GRM5: variants seen among roughly 807,000 people sequenced by gnomAD.
The protein encoded by GRM5 is glutamate metabotropic receptor 5, also known as metabotropic glutamate receptor 5.
Under a neutral mutation model 83.1 loss-of-function variants are expected in GRM5, and 19 were observed. That is an observed-to-expected ratio of 0.23 (90% CI 0.16 to 0.34). The LOEUF (loss-of-function observed/expected upper bound fraction) is 0.34. Among genes scored for constraint, GRM5 ranks in the 10% least tolerant of loss-of-function variants. GRM5 has a pLI of 1.00. For missense variants in GRM5, 1,160 were observed against 1,588.3 expected (o/e 0.73, Z 4.58); for synonymous variants, 675 against 633.6 (o/e 1.07, Z -0.98).
intron 2 of GRM5, among the ~76,000 whole-genome samples, chr11:88,930,101 G>A (rs906370912): frequency 1.6e-4 from 25 of 152,070 alleles, no homozygotes; most frequent in Non-Finnish European, 2.8e-4. Flanking sequence ...CTGTCTTAAT[G>A]TAAGTAAAGA....
rs150660570 is a variant in GRM5, at chr11:88,886,790, G to A, written c.662-36635C>T. Among the ~76,000 whole-genome samples the A allele has an allele frequency of 6.4e-3, 971 of 152,242 alleles. 11 individuals carry two copies. The highest frequency in any genetic ancestry group is 0.022 in the African/African-American group (911 of 41,540). ...TCATCATATCTATTTCATCCTCTCT[G>A]TGTATGCAATGTATGGGAAATTTTA... is the stretch of plus-strand genomic sequence containing the variant. On this transcript the variant is annotated intron_variant, in intron 2 of 9. Transcript: ENST00000305447.
intron 3 of GRM5, among the ~76,000 whole-genome samples, chr11:88,699,473 G>A (rs1940977923): frequency 6.6e-6 from 1 of 152,132 alleles, no homozygotes; most frequent in Non-Finnish European, 1.5e-5. Flanking sequence ...GCTGCCAGGA[G>A]TGTTGATTGC....
At chr11:88,597,808 T>G (rs1445953380) in intron 5 of GRM5, among the ~76,000 whole-genome samples, 1 of 152,144 alleles carries the variant, frequency 6.6e-6, no homozygotes, top group Non-Finnish European at 1.5e-5. Context: ...TCATTTTACC[T>G]TTCTTACTTT....
chr11:88,744,647 T>C (rs1207862549), intron 3 of GRM5, among the ~76,000 whole-genome samples: 2 of 152,168 alleles, frequency 1.3e-5, no homozygotes, highest in African/African-American at 2.4e-5. Context: ...ACAGCAGAAA[T>C]GGTAGGGCGT....
At chr11:88,631,239 C>T (rs887162854) in intron 4 of GRM5, among the ~76,000 whole-genome samples, 6 of 152,102 alleles carry the variant, frequency 3.9e-5, no homozygotes, top group Non-Finnish European at 7.4e-5. Context: ...AACAGGTATA[C>T]CGTACCAAAA....
At chr11:88,988,790 C>T (rs940675145) in intron 2 of GRM5, among the ~76,000 whole-genome samples, 1 of 146,530 alleles carries the variant, frequency 6.8e-6, no homozygotes, top group Non-Finnish European at 1.5e-5. Context: ...AAATAAAATC[C>T]TTTACAGACA....
intron 2 of GRM5, among the ~76,000 whole-genome samples, chr11:88,950,734 C>T (rs1487004075): frequency 6.6e-6 from 1 of 152,162 alleles, no homozygotes; most frequent in African/African-American, 2.4e-5. Context: ...CGCTCTCCTT[C>T]TGTCATTATT....
intron 2 of GRM5, among the ~76,000 whole-genome samples, chr11:88,868,788 C>A (rs2135559010): frequency 6.6e-6 from 1 of 151,864 alleles, no homozygotes; most frequent in South Asian, 2.1e-4. Flanking sequence ...GTCCTTGTCT[C>A]TATTGCCTAT....
chr11:88,850,615 AT>A (rs1228278542), intron 2 of GRM5, among the ~76,000 whole-genome samples: 2 of 149,626 alleles, frequency 1.3e-5, no homozygotes, highest in African/African-American at 4.9e-5. Context: ...CCATATAAAT[AT>A]TTTATAAAGT....
chr11:88,928,154 CA>C (rs1945820750), intron 2 of GRM5, among the ~76,000 whole-genome samples: 1 of 152,044 alleles, frequency 6.6e-6, no homozygotes, highest in African/African-American at 2.4e-5. Flanking sequence ...ATCTGATTCT[CA>C]AAGGAGATAT....
chr11:89,061,860 C>T (rs905736047), intron 1 of GRM5, among the ~76,000 whole-genome samples: 14 of 152,138 alleles, frequency 9.2e-5, no homozygotes, highest in Non-Finnish European at 1.9e-4. Flanking sequence ...AAAACATTCC[C>T]GTGTGATAGC....
intron 4 of GRM5, among the ~76,000 whole-genome samples, chr11:88,624,958 A>G (rs1047517278): frequency 1.3e-5 from 2 of 152,214 alleles, no homozygotes; most frequent in African/African-American, 2.4e-5. Flanking sequence ...ACAGAATTCT[A>G]TAAAACTATA....
At chr11:88,831,030 C>T (rs1387710115) in intron 3 of GRM5, among the ~76,000 whole-genome samples, 2 of 152,016 alleles carry the variant, frequency 1.3e-5, no homozygotes, top group Non-Finnish European at 2.9e-5. Flanking sequence ...CGAGGCCCTC[C>T]CACAACACAT....
At chr11:88,572,013 G>A (rs1210931786) in intron 7 of GRM5, among the ~76,000 whole-genome samples, 6 of 152,158 alleles carry the variant, frequency 3.9e-5, no homozygotes, top group Non-Finnish European at 8.8e-5. Flanking sequence ...GAAGAATCAA[G>A]AAGAAAGGCT....
chr11:88,834,633 G>T (rs565469532), intron 3 of GRM5, among the ~76,000 whole-genome samples: 1 of 152,240 alleles, frequency 6.6e-6, no homozygotes, highest in East Asian at 1.9e-4. Context: ...GGTCTTCCTT[G>T]TCTCACCACT....
intron 2 of GRM5, among the ~76,000 whole-genome samples, chr11:88,901,258 A>G (rs1945310939): frequency 6.6e-6 from 1 of 152,106 alleles, no homozygotes; most frequent in South Asian, 2.1e-4. Flanking sequence ...ATCATAGCTA[A>G]TATCTATTGA....
chr11:88,891,899 G>T (rs1010302055), intron 2 of GRM5, among the ~76,000 whole-genome samples: 33 of 152,048 alleles, frequency 2.2e-4, no homozygotes, highest in Non-Finnish European at 3.4e-4. Context: ...TGTCTTAAAT[G>T]GATTGTGCTC....
chr11:88,894,368 C>A (rs1371391877), intron 2 of GRM5, among the ~76,000 whole-genome samples: 1 of 152,008 alleles, frequency 6.6e-6, no homozygotes, highest in African/African-American at 2.4e-5. Context: ...TTTCTCTTCT[C>A]TTCTGCCTAT....
chr11:88,777,959 C>G (rs1166306443), intron 3 of GRM5, among the ~76,000 whole-genome samples: 1 of 152,168 alleles, frequency 6.6e-6, no homozygotes, highest in Non-Finnish European at 1.5e-5. Context: ...AGCTCAAATG[C>G]CATGCTAGGA....
Sources: allele counts gnomAD v4.1 joint callset (sites outside exome capture counted in the v4.1 genomes callset), GRCh38; gene constraint gnomAD v4.1.1; transcripts MANE v1.5; gene names NCBI Gene and HGNC (gene_info 2026-07-23, HGNC 2026-07-21).